Variants in RBFOX1 observed in about 807,000 individuals in gnomAD.
RBFOX1 encodes RNA binding fox-1 homolog 1.
Under a neutral mutation model 57.7 loss-of-function variants are expected in RBFOX1, and 8 were observed. That is an observed-to-expected ratio of 0.14 (90% CI 0.08 to 0.25). The LOEUF (loss-of-function observed/expected upper bound fraction) is 0.25. RBFOX1 is among the 10% of genes least tolerant of loss of function. The probability of loss-of-function intolerance (pLI) is 1.00; values close to 1 mark genes in which losing one functional copy is unlikely to be tolerated. For missense variants in RBFOX1, 611 were observed against 548.5 expected, an observed-to-expected ratio of 1.11 and a Z score of -1.14; for synonymous variants, 326 against 222.4, an observed-to-expected ratio of 1.47 and a Z score of -4.15.
At chr16:6,118,291 C>G (rs190771625) in intron 1 of RBFOX1, among the ~76,000 whole-genome samples, 2 of 152,280 alleles carry the variant, frequency 1.3e-5, no homozygotes, top group East Asian at 3.9e-4. Context: ...CCTTATGTCT[C>G]AGTCCACTCA....
At chr16:5,567,342 C>G (rs1241309713) in intron 2 of RBFOX1, among the ~76,000 whole-genome samples, 4 of 152,186 alleles carry the variant, frequency 2.6e-5, no homozygotes, top group African/African-American at 7.2e-5. Context: ...ATATTAGTTA[C>G]TAGCTAACGT....
intron 4 of RBFOX1, among the ~76,000 whole-genome samples, chr16:5,930,001 T>G (rs1442348604): frequency 1.3e-5 from 2 of 150,998 alleles, no homozygotes; most frequent in African/African-American, 2.4e-5. Context: ...ACGAAGCAGG[T>G]GTGAGTGAGT....
chr16:6,622,671 A>G (rs563447605), intron 2 of RBFOX1, among the ~76,000 whole-genome samples: 1 of 152,360 alleles, frequency 6.6e-6, no homozygotes, highest in Non-Finnish European at 1.5e-5. Flanking sequence ...TTTAGAAGAT[A>G]AATGAATGAG....
At chr16:6,259,943 A>G (rs940758022) in intron 1 of RBFOX1, among the ~76,000 whole-genome samples, 9 of 150,940 alleles carry the variant, frequency 6.0e-5, no homozygotes, top group African/African-American at 2.2e-4. Context: ...TCTTGGTGAC[A>G]GAGTGAGACT....
chr16:6,818,852 A>G (rs571192551), intron 3 of RBFOX1, among the ~76,000 whole-genome samples: 30 of 152,294 alleles, frequency 2.0e-4, no homozygotes, highest in East Asian at 1.4e-3. Context: ...ACTCAGTCCA[A>G]TGAGATTAAA....
At chr16:5,486,056 A>G (rs531195236) in intron 2 of RBFOX1, among the ~76,000 whole-genome samples, 36 of 152,138 alleles carry the variant, frequency 2.4e-4, no homozygotes, top group Non-Finnish European at 4.4e-4. Context: ...ATTTATTCTA[A>G]TTTTGACAAT....
At position 5,536,095 on chromosome 16, in the gene RBFOX1, G is replaced by GCC. The variant is rs566153291; in HGVS notation, c.259-62797_259-62796dup. On this transcript the variant is annotated intron_variant, in intron 2 of 2. Transcript: ENST00000585867. ...GGCTGAGAAGTCCCCAAGTCATCAA[G>GCC]CCCCCCCCCCCTTTTTTTTCTTTTT... 3.1e-3 allele frequency among the ~76,000 whole-genome samples: 148 copies of GCC among 48,244 alleles called. No homozygotes were observed. In the East Asian group the frequency reaches 0.035, roughly 11 times the overall value. 31.6% of individuals were successfully genotyped at this position (48,244 alleles called of 152,430 possible).
At chr16:6,629,054 A>C (rs1273478092) in intron 2 of RBFOX1, among the ~76,000 whole-genome samples, 3 of 152,230 alleles carry the variant, frequency 2.0e-5, no homozygotes, top group Non-Finnish European at 4.4e-5. Flanking sequence ...ATCAGCATAC[A>C]TACTAAACCT....
At chr16:6,487,952 T>A (rs923132821) in intron 2 of RBFOX1, among the ~76,000 whole-genome samples, 1 of 151,884 alleles carries the variant, frequency 6.6e-6, no homozygotes, top group Non-Finnish European at 1.5e-5. Context: ...TCGTTAAGTT[T>A]TCTAACCTGG....
intron 1 of RBFOX1, among the ~76,000 whole-genome samples, chr16:6,244,724 G>A (rs748777339): frequency 2.6e-5 from 4 of 152,094 alleles, no homozygotes; most frequent in Non-Finnish European, 4.4e-5. Context: ...TGGCTAGGCT[G>A]GTCTTGAACT....
chr16:5,879,137 C>T (rs1254016492), intron 4 of RBFOX1, among the ~76,000 whole-genome samples: 1 of 152,104 alleles, frequency 6.6e-6, no homozygotes, highest in Non-Finnish European at 1.5e-5. Flanking sequence ...TGCACCTTTG[C>T]AGAGAAGGGG....
intron 4 of RBFOX1, among the ~76,000 whole-genome samples, chr16:5,905,537 C>A (rs1320476950): frequency 6.6e-6 from 1 of 152,060 alleles, no homozygotes; most frequent in Admixed American, 6.5e-5. Flanking sequence ...CATGTTGAAA[C>A]CGAATCTCTA....
chr16:6,641,604 G>A (rs533721021), intron 2 of RBFOX1, among the ~76,000 whole-genome samples: 69 of 151,900 alleles, frequency 4.5e-4, no homozygotes, highest in Non-Finnish European at 3.5e-4. Flanking sequence ...GTGTGATGGT[G>A]GGTGCCTGTA....
At chr16:7,420,760 A>C (rs934668402) in intron 4 of RBFOX1, among the ~76,000 whole-genome samples, 1 of 150,498 alleles carries the variant, frequency 6.6e-6, no homozygotes, top group African/African-American at 2.4e-5. Flanking sequence ...TTTTTTCTTT[A>C]TATTGATCTT....
At chr16:5,699,015 T>A (rs1223882891) in intron 3 of RBFOX1, among the ~76,000 whole-genome samples, 4 of 145,664 alleles carry the variant, frequency 2.7e-5, no homozygotes, top group Non-Finnish European at 6.0e-5. Flanking sequence ...TGAGACAGAG[T>A]CTTGCTCTGT....
intron 4 of RBFOX1, among the ~76,000 whole-genome samples, chr16:7,401,166 T>C (rs572975414): frequency 6.6e-6 from 1 of 152,302 alleles, no homozygotes; most frequent in South Asian, 2.1e-4. Flanking sequence ...AGCTATTTTT[T>C]AAAAAATGTA....
At chr16:5,578,634 T>C (rs916944316) in intron 2 of RBFOX1, among the ~76,000 whole-genome samples, 5 of 152,274 alleles carry the variant, frequency 3.3e-5, no homozygotes, top group Non-Finnish European at 5.9e-5. Context: ...TCTATTAATT[T>C]AGCGCCAACA....
chr16:5,487,376 A>G (rs1043611049), intron 2 of RBFOX1, among the ~76,000 whole-genome samples: 3 of 152,150 alleles, frequency 2.0e-5, no homozygotes, highest in African/African-American at 7.2e-5. Flanking sequence ...AACAGGAGAG[A>G]GGAAGAGGGA....
chr16:7,110,055 C>A (rs138855372), intron 4 of RBFOX1, among the ~76,000 whole-genome samples: 1 of 151,926 alleles, frequency 6.6e-6, no homozygotes, highest in Admixed American at 6.6e-5. Context: ...CCTGCTAATA[C>A]TAATCACTAA....
Sources: allele counts gnomAD v4.1 joint callset (sites outside exome capture counted in the v4.1 genomes callset), GRCh38; gene constraint gnomAD v4.1.1; transcripts MANE v1.5; gene names NCBI Gene and HGNC (gene_info 2026-07-23, HGNC 2026-07-21).